Variants in MYT1L observed in about 807,000 individuals in gnomAD.
MYT1L encodes myelin transcription factor 1-like protein.
In MYT1L, 12 loss-of-function variants were observed where a neutral mutation model predicts 126.7. The observed-to-expected ratio is 0.09, with a 90% CI of 0.06 to 0.15. MYT1L has a LOEUF of 0.15. Ranked by LOEUF, MYT1L falls within the 10% of genes least tolerant of loss-of-function variation. MYT1L has a pLI of 1.00. For missense variants in MYT1L, 979 were observed against 1,585.2 expected (o/e 0.62, Z 6.49); for synonymous variants, 541 against 604.2 (o/e 0.90, Z 1.53).
rs2035785778 is a variant in MYT1L, at chr2:1,806,742, C to T, written c.3172+2334G>A. 6.6e-6 allele frequency among the ~76,000 whole-genome samples: 1 copy of T among 152,190 alleles called. No individual in the cohort carries two copies. The highest frequency in any genetic ancestry group is 2.4e-5 in the African/African-American group (1 of 41,454). On this transcript the variant is annotated intron_variant, in intron 22 of 24. Transcript: ENST00000647738. The surrounding 1 kb of genome is among the most constrained non-coding windows in gnomAD (Gnocchi z 4.9). ...GGCCCCTCCTCTAGGATTGGCAGAT[C>T]TGTTCTCTCCGTATTTTCTTTCCTT...
intron 3 of MYT1L, among the ~76,000 whole-genome samples, chr2:2,125,520 G>A (rs939697692): frequency 4.6e-5 from 7 of 152,162 alleles, no homozygotes; most frequent in Non-Finnish European, 1.5e-5. Flanking sequence ...TTAGGTGTTA[G>A]GCACATCAAC....
At chr2:2,244,436 C>A (rs921606368) in intron 2 of MYT1L, among the ~76,000 whole-genome samples, 4 of 152,072 alleles carry the variant, frequency 2.6e-5, no homozygotes, top group Non-Finnish European at 1.5e-5. Context: ...ATACTTCTGA[C>A]CAATTATCTT....
chr2:2,193,644 C>T (rs1033739986), intron 2 of MYT1L, among the ~76,000 whole-genome samples: 1 of 152,138 alleles, frequency 6.6e-6, no homozygotes, highest in Non-Finnish European at 1.5e-5. Context: ...CTGGCAAATT[C>T]TAAGAAAAGA....
intron 2 of MYT1L, among the ~76,000 whole-genome samples, chr2:2,208,964 C>T (rs1332121062): frequency 1.3e-5 from 2 of 151,726 alleles, no homozygotes; most frequent in African/African-American, 2.4e-5. Context: ...TTTCAAATGT[C>T]ATAGGTTGCT....
intron 2 of MYT1L, among the ~76,000 whole-genome samples, chr2:2,180,822 A>G (rs934193406): frequency 1.5e-5 from 2 of 135,800 alleles, no homozygotes; most frequent in Admixed American, 7.3e-5. Context: ...ACCTGTGTGT[A>G]CCTGTGTGTG....
chr2:2,115,398 A>C (rs73911394), intron 3 of MYT1L, among the ~76,000 whole-genome samples: 3,042 of 152,300 alleles, frequency 0.02, 92 homozygotes, highest in African/African-American at 0.066. Flanking sequence ...CACAATAAAA[A>C]TTTCAACAGG....
chr2:2,302,288 A>G (rs1349749248), intron 1 of MYT1L, among the ~76,000 whole-genome samples: 1 of 152,224 alleles, frequency 6.6e-6, no homozygotes, highest in Non-Finnish European at 1.5e-5. Flanking sequence ...TAGATGAGTA[A>G]TTACCTAACT....
chr2:1,816,528 G>A (rs907663643), intron 21 of MYT1L: 2 of 152,944 alleles, frequency 1.3e-5, no homozygotes, highest in African/African-American at 2.4e-5. Flanking sequence ...CCAGCCTAAC[G>A]GGGAGGAGGT....
chr2:2,236,856 C>T (rs1263720208), intron 2 of MYT1L, among the ~76,000 whole-genome samples: 5 of 145,310 alleles, frequency 3.4e-5, no homozygotes, highest in Admixed American at 7.2e-5. Context: ...TCTTGTTGCC[C>T]AGGCTGGAAT....
intron 14 of MYT1L, among the ~76,000 whole-genome samples, chr2:1,897,587 TA>T (rs2049774375): frequency 1.3e-5 from 2 of 152,062 alleles, no homozygotes; most frequent in Admixed American, 1.3e-4. Flanking sequence ...CTCAGCCTCC[TA>T]AGTAGCTGGG....
At chr2:2,080,058 C>A (rs545853078) in intron 3 of MYT1L, among the ~76,000 whole-genome samples, 4 of 152,158 alleles carry the variant, frequency 2.6e-5, no homozygotes, top group African/African-American at 7.2e-5. Flanking sequence ...GGTTTCAGAA[C>A]AATTTAATGG....
chr2:2,067,039 A>ATC (rs2073965653), intron 3 of MYT1L, among the ~76,000 whole-genome samples: 1 of 152,234 alleles, frequency 6.6e-6, no homozygotes, highest in Admixed American at 6.5e-5. Flanking sequence ...TCCAATAGAT[A>ATC]ATGTGATTTC....
intron 3 of MYT1L, among the ~76,000 whole-genome samples, chr2:2,128,184 T>C (rs1423906597): frequency 6.6e-6 from 1 of 152,200 alleles, no homozygotes; most frequent in Non-Finnish European, 1.5e-5. Flanking sequence ...AGTCTCTCTT[T>C]GTTGCCCAGG....
In MYT1L at chr2:1,912,672, G is replaced by A. The variant is rs1313860133; in HGVS notation, c.1619-562C>T. Among the ~76,000 whole-genome samples, 2 of 152,076 alleles carry A rather than the reference G, an allele frequency of 1.3e-5. No homozygotes were observed. Among genetic ancestry groups the A allele is most frequent in the Non-Finnish European group, 2.9e-5 (2 of 68,014 alleles). On this transcript the variant is annotated intron_variant, in intron 11 of 24. Coordinates refer to ENST00000647738, the MANE Select transcript of MYT1L (RefSeq NM_001303052.2). This position sits in a 1 kb window ranked among gnomAD's most constrained non-coding sequence, Gnocchi z 4.3. The stretch of plus-strand genomic sequence containing the variant: ...AATTAAATAATCACTCTTCCTTTAG[G>A]AATCAAGTGCTTTATTATTCTTTAA...
chr2:2,244,887 TG>T (rs2094504163), intron 2 of MYT1L, among the ~76,000 whole-genome samples: 1 of 152,216 alleles, frequency 6.6e-6, no homozygotes. Flanking sequence ...AGAGCTGAGA[TG>T]GCTACCATAT....
At chr2:2,170,445 G>A (rs1258428210) in intron 3 of MYT1L, among the ~76,000 whole-genome samples, 3 of 152,176 alleles carry the variant, frequency 2.0e-5, no homozygotes, top group Non-Finnish European at 4.4e-5. Context: ...TTCAGACAGC[G>A]GTGGCAGTGA....
At chr2:1,940,885 G>T (rs559915122) in intron 9 of MYT1L, among the ~76,000 whole-genome samples, 1 of 152,214 alleles carries the variant, frequency 6.6e-6, no homozygotes, top group Admixed American at 6.5e-5. Context: ...AGGTCTGGCC[G>T]CAGAGTTAGA....
intron 15 of MYT1L, among the ~76,000 whole-genome samples, chr2:1,890,069 A>ATT (rs66780734): frequency 2.7e-5 from 4 of 145,702 alleles, no homozygotes; most frequent in Admixed American, 6.9e-5. Flanking sequence ...TTGTAATACA[A>ATT]TTTTTTTTTT....
chr2:2,079,575 G>A (rs1387357748), intron 3 of MYT1L, among the ~76,000 whole-genome samples: 2 of 152,230 alleles, frequency 1.3e-5, no homozygotes, highest in East Asian at 3.9e-4. Context: ...GGAGGCCAAG[G>A]CGGGTGGATC....
Sources: allele counts gnomAD v4.1 joint callset (sites outside exome capture counted in the v4.1 genomes callset), GRCh38; gene constraint gnomAD v4.1.1; non-coding constraint Gnocchi (gnomAD v3.1); transcripts MANE v1.5; gene names NCBI Gene and HGNC (gene_info 2026-07-23, HGNC 2026-07-21).